Variants in LARGE1 observed in about 807,000 individuals in gnomAD.
LARGE1 encodes LARGE xylosyl- and glucuronyltransferase 1.
In LARGE1, 43 loss-of-function variants were observed where a neutral mutation model predicts 87.6. The observed-to-expected ratio is 0.49, with a 90% CI of 0.38 to 0.63. The LOEUF is 0.63. LARGE1 is among the 30% of genes least tolerant of loss of function. The pLI is 0.00. For synonymous variants in LARGE1, 434 were observed against 394.6 expected, an observed-to-expected ratio of 1.10 and a Z score of -1.18; for missense variants, 802 against 1,000.2, an observed-to-expected ratio of 0.80 and a Z score of 2.67.
intron 6 of LARGE1, among the ~76,000 whole-genome samples, chr22:33,562,099 CTT>C (rs1383152298): frequency 3.9e-5 from 6 of 152,240 alleles, no homozygotes; most frequent in African/African-American, 9.6e-5. Context: ...GACACTCTCT[CTT>C]GGATCAGAAC....
chr22:33,761,313 T>C (rs1472822383), intron 2 of LARGE1, 58 bp downstream of exon 2: 2 of 1,311,608 alleles, frequency 1.5e-6, no homozygotes, highest in East Asian at 2.3e-5. Context: ...TAGGGTTCTA[T>C]GACAGCTAAT....
intron 6 of LARGE1, among the ~76,000 whole-genome samples, chr22:33,460,781 C>T (rs867118087): frequency 3.3e-5 from 5 of 152,180 alleles, no homozygotes; most frequent in Non-Finnish European, 5.9e-5. Context: ...CCAGAAGTCA[C>T]ACCTTTGATG....
In LARGE1 at chr22:33,514,343, T is replaced by C. The variant is rs569094427; in HGVS notation, c.787+50505A>G. ...TTATGCCTGCATATGTGTGTATATA[T>C]ATATTCATAGACATATGCACACACA... On this transcript the variant is annotated intron_variant, in intron 6 of 14. Coordinates refer to ENST00000397394, the MANE Select transcript of LARGE1 (RefSeq NM_133642.5). 5.3e-5 allele frequency among the ~76,000 whole-genome samples: 8 copies of C among 152,338 alleles called. No homozygotes were observed. In the South Asian group the frequency reaches 1.5e-3, roughly 28 times the overall value.
In LARGE1 at chr22:33,432,267, T is replaced by G; in HGVS notation, c.788-2A>C. The G allele has an allele frequency of 6.2e-7, 1 of 1,611,162 alleles. No individual in the cohort carries two copies. Among genetic ancestry groups the G allele is most frequent in the South Asian group, 1.1e-5 (1 of 91,022 alleles). Reference sequence around the variant, plus strand: ...CCACCAAGCCCAGGACTTGCTGACCTGTGAGGTACAGAGAATACAAACATC... The same window carrying G: ...CCACCAAGCCCAGGACTTGCTGACCGGTGAGGTACAGAGAATACAAACATC... On this transcript the variant is annotated splice_acceptor_variant, in intron 6 of 14. Coordinates refer to ENST00000397394, the MANE Select transcript of LARGE1 (RefSeq NM_133642.5). LOFTEE classifies it high-confidence loss of function.
chr22:33,104,248 T>C, the LARGE1 span, among the ~76,000 whole-genome samples: 1 of 152,186 alleles, frequency 6.6e-6, no homozygotes, highest in Non-Finnish European at 1.5e-5. Flanking sequence ...GCTTTGGACC[T>C]CTAAGTTTGC....
At chr22:33,501,548 G>A (rs1024429148) in intron 6 of LARGE1, among the ~76,000 whole-genome samples, 4 of 152,190 alleles carry the variant, frequency 2.6e-5, no homozygotes, top group Non-Finnish European at 2.9e-5. Flanking sequence ...GGCAGCCCTC[G>A]ATTCTGATCT....
intron 2 of LARGE1, among the ~76,000 whole-genome samples, chr22:33,757,748 C>T (rs1161287087): frequency 6.6e-6 from 1 of 152,212 alleles, no homozygotes; most frequent in South Asian, 2.1e-4. Flanking sequence ...TATGGCTTCA[C>T]CTGCCACGAA....
the LARGE1 span, among the ~76,000 whole-genome samples, chr22:33,092,751 G>A: frequency 5.3e-5 from 8 of 151,918 alleles, no homozygotes; most frequent in East Asian, 3.9e-4. Flanking sequence ...GTATTAGTTC[G>A]CTGAGAATAA....
chr22:33,272,275 G>A (rs138740489), downstream of LARGE1, among the ~76,000 whole-genome samples: 1 of 152,202 alleles, frequency 6.6e-6, no homozygotes, highest in Admixed American at 6.5e-5. Flanking sequence ...TAGGGAAGGA[G>A]GAGAAATTAG....
chr22:33,689,208 T>G (rs1038898962), intron 2 of LARGE1, among the ~76,000 whole-genome samples: 4 of 151,724 alleles, frequency 2.6e-5, no homozygotes, highest in Non-Finnish European at 5.9e-5. Context: ...TGTACACACA[T>G]GTGTGTCAGG....
At chr22:33,899,463 T>C (rs760266855) in intron 1 of LARGE1, among the ~76,000 whole-genome samples, 4 of 152,160 alleles carry the variant, frequency 2.6e-5, no homozygotes, top group East Asian at 3.9e-4. Flanking sequence ...GTTATACATA[T>C]GGTAGTTTTT....
At chr22:33,774,338 C>T (rs911384779) in intron 1 of LARGE1, among the ~76,000 whole-genome samples, 2 of 151,940 alleles carry the variant, frequency 1.3e-5, no homozygotes, top group African/African-American at 4.8e-5. Flanking sequence ...AAATAGGAGA[C>T]GTTAATCTTT....
intron 6 of LARGE1, among the ~76,000 whole-genome samples, chr22:33,443,912 G>T (rs1176977774): frequency 1.3e-5 from 2 of 152,278 alleles, no homozygotes; most frequent in African/African-American, 4.8e-5. Flanking sequence ...CCTCCACGAG[G>T]CGGCAGAGCT....
rs775590204 is a variant in LARGE1, at chr22:33,570,476, T to C, written c.616-5457A>G. ...CACCCTGGCCAACATGGTGAAACCC[T>C]GTCTCTACTAAAAATACAAAAATTA... On this transcript the variant is annotated intron_variant, in intron 5 of 14. Transcript: ENST00000397394. 9.0e-4 allele frequency among the ~76,000 whole-genome samples: 136 copies of C among 151,820 alleles called. 5 individuals are homozygous for C. The highest frequency in any genetic ancestry group is 2.6e-4 in the Non-Finnish European group (18 of 67,956).
rs539668810 is a variant in LARGE1, at chr22:33,365,280, A to G, written c.1131+16639T>C. ...CAGATTGTAAGGTATATTCCACTTC[A>G]ATTTTTCAATATAGTGCCAAAGTGT... On this transcript the variant is annotated intron_variant, in intron 9 of 14. Coordinates refer to ENST00000397394, the MANE Select transcript of LARGE1 (RefSeq NM_133642.5). Among the ~76,000 whole-genome samples the G allele has an allele frequency of 2.6e-5, 4 of 152,100 alleles. No homozygotes were observed. The South Asian group carries it at 8.3e-4, about 32-fold the overall frequency.
chr22:33,311,930 C>A (rs186143719), intron 11 of LARGE1, among the ~76,000 whole-genome samples: 2,062 of 152,268 alleles, frequency 0.014, 12 homozygotes, highest in South Asian at 0.025. Context: ...AGAACACCAG[C>A]TGAGGATTGA....
At position 33,316,159 on chromosome 22, in the gene LARGE1, G is replaced by A. The variant is rs752078194; in HGVS notation, c.1377C>T (p.Tyr459=). 2.5e-6 allele frequency: 4 copies of A among 1,614,182 alleles called. No homozygotes were observed. The South Asian group carries it at 4.4e-5, about 18-fold the overall frequency. ...CAGGCTCATACTCGTAGTGCAGGAA[G>A]TACAGGTGGGTGCGGTGGACAGTGA... ...ERFTVHRTHL[Y]FLHYEYEPAA... Residue 459 remains tyrosine (Y), a synonymous_variant, in exon 11 of 15, where the codon TAC becomes TAT. Coordinates refer to ENST00000397394, the MANE Select transcript of LARGE1 (RefSeq NM_133642.5).
At chr22:33,293,706 T>G (rs16992071) in intron 12 of LARGE1, among the ~76,000 whole-genome samples, 3,604 of 152,306 alleles carry the variant, frequency 0.024, 98 homozygotes, top group African/African-American at 0.067. Flanking sequence ...GATTCCACCT[T>G]GAATGAGCAA....
intron 1 of LARGE1, among the ~76,000 whole-genome samples, chr22:33,838,274 C>T (rs1415095310): frequency 6.6e-6 from 1 of 152,178 alleles, no homozygotes. Context: ...TATGTGGGGA[C>T]TATGGCTGCT....
Sources: allele counts gnomAD v4.1 joint callset (sites outside exome capture counted in the v4.1 genomes callset), GRCh38; gene constraint gnomAD v4.1.1; transcripts MANE v1.5; gene names NCBI Gene and HGNC (gene_info 2026-07-23, HGNC 2026-07-21).